The following PHACTR1 variants were observed in gnomAD, a reference collection of about 807,000 sequenced individuals.
The protein encoded by PHACTR1 is phosphatase and actin regulator 1, also known as RPEL repeat containing 1.
Under a neutral mutation model 69.2 loss-of-function variants are expected in PHACTR1, and 16 were observed. That is an observed-to-expected ratio of 0.23 (90% CI 0.16 to 0.35). The LOEUF (loss-of-function observed/expected upper bound fraction) is 0.35. PHACTR1 is among the 10% of genes least tolerant of loss of function. The probability of loss-of-function intolerance (pLI) is 1.00; values close to 1 mark genes in which losing one functional copy is unlikely to be tolerated. For missense variants in PHACTR1, 510 were observed against 734.7 expected (o/e 0.69, Z 3.54); for synonymous variants, 312 against 284.5 (o/e 1.10, Z -0.97).
chr6:12,996,604 G>C (rs1797437541), intron 4 of PHACTR1, among the ~76,000 whole-genome samples: 1 of 152,062 alleles, frequency 6.6e-6, no homozygotes, highest in Non-Finnish European at 1.5e-5. Flanking sequence ...CATTTAAGAA[G>C]GGTTACTCTT....
intron 6 of PHACTR1, among the ~76,000 whole-genome samples, chr6:13,162,601 C>T (rs1298900205): frequency 3.3e-5 from 5 of 152,174 alleles, no homozygotes; most frequent in Non-Finnish European, 4.4e-5. Flanking sequence ...TCCACTTAAA[C>T]AATCCCTCTT....
chr6:12,885,714 C>T (rs1015817874), intron 4 of PHACTR1, among the ~76,000 whole-genome samples: 1 of 152,138 alleles, frequency 6.6e-6, no homozygotes, highest in Non-Finnish European at 1.5e-5. Context: ...CCCTTACAAA[C>T]GTGGAAATCA....
intron 4 of PHACTR1, among the ~76,000 whole-genome samples, chr6:12,820,060 C>T (rs1200952359): frequency 1.3e-5 from 2 of 152,170 alleles, no homozygotes; most frequent in African/African-American, 4.8e-5. Flanking sequence ...GAGAACTTAA[C>T]GATTTGGAGG....
chr6:12,773,745 A>G (rs1769688114), intron 4 of PHACTR1, among the ~76,000 whole-genome samples: 1 of 152,212 alleles, frequency 6.6e-6, no homozygotes, highest in Non-Finnish European at 1.5e-5. Context: ...CAGAATATCT[A>G]CTTCTCATAT....
At chr6:13,089,877 G>C (rs1009714493) in intron 5 of PHACTR1, among the ~76,000 whole-genome samples, 4 of 152,186 alleles carry the variant, frequency 2.6e-5, no homozygotes, top group African/African-American at 9.7e-5. Context: ...ATGCCCTGTA[G>C]CATCTGCATC....
intron 4 of PHACTR1, 35 bp downstream of exon 4, chr6:12,749,825 G>T (rs764930561): frequency 8.1e-7 from 1 of 1,233,518 alleles, no homozygotes; most frequent in African/African-American, 1.6e-5. Flanking sequence ...CCCCGCCCCC[G>T]CCCTGCTCCC....
chr6:13,141,726 T>TC (rs1822501162), intron 5 of PHACTR1, among the ~76,000 whole-genome samples: 1 of 144,122 alleles, frequency 6.9e-6, no homozygotes, highest in East Asian at 2.0e-4. Flanking sequence ...TCTTCTTTCT[T>TC]TTTTTTTTTT....
intron 5 of PHACTR1, among the ~76,000 whole-genome samples, chr6:13,108,923 G>GT (rs1355077049): frequency 2.0e-5 from 3 of 151,460 alleles, no homozygotes; most frequent in Admixed American, 6.6e-5. Context: ...TTTATTTTTA[G>GT]TTTTTTTAAA....
intron 4 of PHACTR1, among the ~76,000 whole-genome samples, chr6:12,867,666 A>G (rs1352995337): frequency 3.3e-5 from 5 of 152,236 alleles, no homozygotes; most frequent in Non-Finnish European, 7.3e-5. Flanking sequence ...TGCCTAATAC[A>G]TAGCAGCACT....
In PHACTR1 at chr6:12,871,778, A is replaced by G. The variant is rs79679698; in HGVS notation, c.250+121988A>G. Among the ~76,000 whole-genome samples, 1,260 of 152,220 alleles carry G rather than the reference A, an allele frequency of 8.3e-3. 37 individuals carry two copies. In the East Asian group the frequency reaches 0.1, roughly 12 times the overall value. On this transcript the variant is annotated intron_variant, in intron 4 of 14. Transcript: ENST00000332995. ...CACCTAAACATTTTCACAGCTGTTCATGATTGTCACCTAGATTCACTATTT... is the reference window on the plus strand; with the variant it reads ...CACCTAAACATTTTCACAGCTGTTCGTGATTGTCACCTAGATTCACTATTT...
At chr6:13,001,693 T>G (rs1325585086) in intron 4 of PHACTR1, among the ~76,000 whole-genome samples, 1 of 152,226 alleles carries the variant, frequency 6.6e-6, no homozygotes, top group African/African-American at 2.4e-5. Context: ...CAATAAATAG[T>G]GTGCCCCCCA....
intron 4 of PHACTR1, among the ~76,000 whole-genome samples, chr6:12,764,451 G>A (rs911963983): frequency 3.3e-5 from 5 of 152,014 alleles, no homozygotes; most frequent in African/African-American, 1.2e-4. Context: ...TTATCTTGTG[G>A]TTTTTCTTGG....
intron 5 of PHACTR1, among the ~76,000 whole-genome samples, chr6:13,126,209 A>G (rs1386337836): frequency 6.6e-6 from 1 of 152,198 alleles, no homozygotes; most frequent in East Asian, 1.9e-4. Context: ...TAGTCAGTTC[A>G]CTAATTGGCA....
At chr6:13,257,657 C>T (rs570000061) in intron 10 of PHACTR1, among the ~76,000 whole-genome samples, 15 of 152,276 alleles carry the variant, frequency 9.9e-5, no homozygotes, top group South Asian at 2.1e-4. Flanking sequence ...TGACACTTTG[C>T]GCATGCTATT....
intron 10 of PHACTR1, chr6:13,267,455 C>T (rs966173777): frequency 6.9e-6 from 1 of 144,016 alleles, no homozygotes; most frequent in African/African-American, 2.5e-5. Context: ...CCAGTGAGCC[C>T]CACTTCCATG....
intron 4 of PHACTR1, among the ~76,000 whole-genome samples, chr6:12,829,964 A>AAGAGAG (rs149861206): frequency 0.023 from 2,284 of 99,918 alleles, 73 homozygotes; most frequent in African/African-American, 0.034. Context: ...TCAAGAAAGA[A>AAGAGAG]AGAGAGAGAG....
chr6:12,804,536 T>C (rs963185895), intron 4 of PHACTR1, among the ~76,000 whole-genome samples: 11 of 152,244 alleles, frequency 7.2e-5, no homozygotes, highest in African/African-American at 2.7e-4. Flanking sequence ...TATTAAATAT[T>C]ATTTTATCAG....
chr6:12,814,578 C>T (rs1314692131), intron 4 of PHACTR1, among the ~76,000 whole-genome samples: 1 of 152,142 alleles, frequency 6.6e-6, no homozygotes, highest in Non-Finnish European at 1.5e-5. Flanking sequence ...CCCGCAGTTT[C>T]CCAACCTGTA....
At chr6:12,749,314 C>T in intron 3 of PHACTR1, 1 of 412,684 alleles carries the variant, frequency 2.4e-6, no homozygotes, top group East Asian at 5.8e-5. Flanking sequence ...GGCGGGGTGT[C>T]AGCCAAAAGC....
Sources: gnomAD v4.1 joint callset for allele counts (sites outside exome capture counted in the v4.1 genomes callset) on GRCh38, gnomAD v4.1.1 for gene constraint, MANE v1.5 for transcripts, NCBI Gene and HGNC (gene_info 2026-07-23, HGNC 2026-07-21) for gene names.